Variants in TASP1 observed in about 807,000 individuals in gnomAD.
TASP1 encodes the protein taspase 1, also known as threonine aspartase 1.
TASP1 carries 16 observed loss-of-function variants against 56.6 expected under a neutral mutation model. That is an observed-to-expected ratio of 0.28 (90% CI 0.19 to 0.43). TASP1 has a LOEUF of 0.43. Ranked by LOEUF, TASP1 falls within the 20% of genes least tolerant of loss-of-function variation. TASP1 has a pLI of 1.00. For synonymous variants in TASP1, 179 were observed against 184.2 expected (o/e 0.97, Z 0.23); for missense variants, 393 against 511.6 (o/e 0.77, Z 2.24).
At position 13,604,575 on chromosome 20, in the gene TASP1, G is replaced by A. The variant is rs1209941852; in HGVS notation, c.283-17205C>T. On this transcript the variant is annotated intron_variant, in intron 4 of 13. Coordinates refer to ENST00000337743, the MANE Select transcript of TASP1 (RefSeq NM_017714.3). The stretch of plus-strand genomic sequence containing the variant: ...GCCTCAGGTATTCCTTTATAGCAAT[G>A]CGAAAGCAACTAATACAGCAGTGGT... Among the ~76,000 whole-genome samples the A allele has an allele frequency of 2.6e-5, 4 of 152,118 alleles. No homozygotes were observed. In the East Asian group the frequency reaches 5.8e-4, roughly 22 times the overall value.
At chr20:13,611,539 A>T (rs1453299012) in intron 4 of TASP1, among the ~76,000 whole-genome samples, 1 of 152,220 alleles carries the variant, frequency 6.6e-6, no homozygotes, top group Non-Finnish European at 1.5e-5. Flanking sequence ...ATCAAAGCTC[A>T]TTCCGGCTTT....
intron 4 of TASP1, among the ~76,000 whole-genome samples, chr20:13,594,704 C>T (rs558129485): frequency 1.3e-5 from 2 of 152,202 alleles, no homozygotes; most frequent in African/African-American, 4.8e-5. Flanking sequence ...CAAACAAAGC[C>T]TTCAAGAAAT....
the TASP1 span, among the ~76,000 whole-genome samples, chr20:13,256,538 G>A: frequency 6.6e-6 from 1 of 152,112 alleles, no homozygotes; most frequent in Non-Finnish European, 1.5e-5. Context: ...TTTTAATAGG[G>A]GATCATGGGA....
the TASP1 span, among the ~76,000 whole-genome samples, chr20:13,116,114 C>T: frequency 6.6e-6 from 1 of 152,136 alleles, no homozygotes; most frequent in Non-Finnish European, 1.5e-5. Flanking sequence ...ATGCTGCACC[C>T]AGTGATCATG....
At chr20:13,367,830 T>C in the TASP1 span, among the ~76,000 whole-genome samples, 3 of 152,172 alleles carry the variant, frequency 2.0e-5, no homozygotes, top group African/African-American at 4.8e-5. Flanking sequence ...AATTGACTTT[T>C]AGCTGTTCAC....
At chr20:13,635,245 C>G (rs2049260361) in intron 1 of TASP1, among the ~76,000 whole-genome samples, 1 of 152,194 alleles carries the variant, frequency 6.6e-6, no homozygotes. Flanking sequence ...AGTTACTTAA[C>G]CCAATGGCAT....
chr20:13,296,376 A>G, the TASP1 span, among the ~76,000 whole-genome samples: 2 of 152,218 alleles, frequency 1.3e-5, no homozygotes, highest in Admixed American at 1.3e-4. Flanking sequence ...GATCCCCATC[A>G]ATAAAAACAA....
At chr20:13,190,586 A>G in the TASP1 span, among the ~76,000 whole-genome samples, 2,184 of 152,282 alleles carry the variant, frequency 0.014, 29 homozygotes, top group South Asian at 0.029. Flanking sequence ...TCAACTCAAA[A>G]TGGATTGAAG....
intron 7 of TASP1, among the ~76,000 whole-genome samples, chr20:13,566,410 A>T (rs1203622968): frequency 6.6e-6 from 1 of 152,182 alleles, no homozygotes; most frequent in Non-Finnish European, 1.5e-5. Flanking sequence ...ATAATAGCCA[A>T]AAATTGGAAA....
At chr20:13,490,835 T>A (rs2043501464) in intron 10 of TASP1, among the ~76,000 whole-genome samples, 1 of 152,234 alleles carries the variant, frequency 6.6e-6, no homozygotes, top group East Asian at 1.9e-4. Flanking sequence ...GGGAATGGGA[T>A]ACCAACTACC....
chr20:13,342,765 G>T, the TASP1 span, among the ~76,000 whole-genome samples: 3 of 152,164 alleles, frequency 2.0e-5, no homozygotes, highest in African/African-American at 7.2e-5. Flanking sequence ...CTCATTCAAT[G>T]AAATCACACC....
At chr20:13,239,370 ATGGGCATGAAT>A in the TASP1 span, 2 of 152,222 alleles carry the variant, frequency 1.3e-5, no homozygotes, top group African/African-American at 4.8e-5. Context: ...GAACCCAATA[ATGGGCATGAAT>A]GGCCTTGGCC....
intron 4 of TASP1, among the ~76,000 whole-genome samples, chr20:13,611,711 T>C (rs996670926): frequency 3.9e-5 from 6 of 152,274 alleles, no homozygotes; most frequent in African/African-American, 1.4e-4. Context: ...TAAAATGATA[T>C]ACAGTGCTAC....
chr20:13,392,760 T>G (rs1237512754), intron 13 of TASP1: 1 of 593,684 alleles, frequency 1.7e-6, no homozygotes, highest in Non-Finnish European at 3.2e-6. Flanking sequence ...GTAAAGCAGA[T>G]GTTCTCACCA....
intron 10 of TASP1, among the ~76,000 whole-genome samples, chr20:13,492,531 C>A (rs1318925919): frequency 6.6e-6 from 1 of 152,148 alleles, no homozygotes; most frequent in African/African-American, 2.4e-5. Flanking sequence ...TGATTTCAGT[C>A]TTCACAGTGT....
At chr20:13,591,360 T>C (rs930568508) in intron 4 of TASP1, among the ~76,000 whole-genome samples, 17 of 151,892 alleles carry the variant, frequency 1.1e-4, no homozygotes, top group Admixed American at 9.2e-4. Context: ...AAAAGACACA[T>C]GTGAAAATGA....
intron 10 of TASP1, among the ~76,000 whole-genome samples, chr20:13,517,385 C>T (rs1281623165): frequency 6.6e-6 from 1 of 151,900 alleles, no homozygotes; most frequent in African/African-American, 2.4e-5. Flanking sequence ...GGAAAGATAT[C>T]CTTCATATCC....
At chr20:13,282,943 T>G in the TASP1 span, among the ~76,000 whole-genome samples, 6 of 152,248 alleles carry the variant, frequency 3.9e-5, no homozygotes, top group African/African-American at 1.4e-4. Context: ...GAGTGATCAT[T>G]GCTTCCCAGG....
At chr20:13,508,641 ATAAAC>A (rs2044215627) in intron 10 of TASP1, among the ~76,000 whole-genome samples, 1 of 152,192 alleles carries the variant, frequency 6.6e-6, no homozygotes, top group African/African-American at 2.4e-5. Flanking sequence ...AAAAAATAAA[ATAAAC>A]TAAAATAACT....
Sources: allele counts gnomAD v4.1 joint callset (sites outside exome capture counted in the v4.1 genomes callset), GRCh38; gene constraint gnomAD v4.1.1; transcripts MANE v1.5; gene names NCBI Gene and HGNC (gene_info 2026-07-23, HGNC 2026-07-21).